The following CCNF variants were observed in gnomAD, a reference collection of about 807,000 sequenced individuals.
The protein encoded by CCNF is cyclin-F.
In CCNF, 30 loss-of-function variants were observed where a neutral mutation model predicts 85.4. That is an observed-to-expected ratio of 0.35 (90% CI 0.26 to 0.48). The LOEUF (loss-of-function observed/expected upper bound fraction) is 0.48, where lower values mean the gene tolerates loss of function less well. Among genes scored for constraint, CCNF ranks in the 20% least tolerant of loss-of-function variants. The pLI is 0.99. For synonymous variants in CCNF, 439 were observed against 425.1 expected (o/e 1.03, Z -0.40); for missense variants, 919 against 1,010.4 (o/e 0.91, Z 1.23).
intron 1 of CCNF, 146 bp from the exon 2 acceptor site, chr16:2,430,984 A>G (rs1426256579): frequency 1.2e-6 from 1 of 861,318 alleles, no homozygotes. Context: ...TGGGACAAGA[A>G]GCATAGTTCC....
intron 7 of CCNF, 78 bp downstream of exon 7, chr16:2,439,535 C>A: frequency 9.1e-7 from 1 of 1,101,018 alleles, no homozygotes; most frequent in Non-Finnish European, 1.3e-6. Flanking sequence ...GGATGCGTTT[C>A]TGTCCACAAA....
intron 12 of CCNF, 22 bp from the exon 13 acceptor site, chr16:2,449,806 C>CCTCCACCA: frequency 6.5e-7 from 1 of 1,542,920 alleles, no homozygotes. Context: ...CCCCTCCACC[C>CCTCCACCA]CTGGCCTGCT....
intron 8 of CCNF, among the ~76,000 whole-genome samples, chr16:2,441,516 C>G (rs970728551): frequency 1.3e-5 from 2 of 151,950 alleles, no homozygotes; most frequent in African/African-American, 4.8e-5. Context: ...TTTATAATCC[C>G]AACACTTTGG....
rs781622825 is a variant in CCNF at position 2,449,891 on chromosome 16, G to T, written c.1463G>T (p.Cys488Phe). Residue 488 changes from cysteine (C) to phenylalanine (F), a missense_variant, in exon 13 of 17, where the codon TGC (cysteine) becomes TTC (phenylalanine). By Grantham distance (205) the Cys-to-Phe change is radical (BLOSUM62 -2). Coordinates refer to ENST00000397066, the MANE Select transcript of CCNF (RefSeq NM_001761.3). ...TGFSYEDLIPCVLSLHKKCFH... is the reference protein window; with the variant it reads ...TGFSYEDLIPFVLSLHKKCFH... Reference sequence around the variant, plus strand: ...TTCTCCTATGAAGACCTCATTCCCTGCGTCTTGAGCCTCCATAAGAAGTGG... The same window carrying T: ...TTCTCCTATGAAGACCTCATTCCCTTCGTCTTGAGCCTCCATAAGAAGTGG... 4.4e-6 allele frequency: 7 copies of T among 1,608,202 alleles called. No homozygotes were observed. Among genetic ancestry groups the T allele is most frequent in the Non-Finnish European group, 5.9e-6 (7 of 1,177,328 alleles).
At position 2,433,070 on chromosome 16, in the gene CCNF, A is replaced by G; in HGVS notation, c.278+3A>G. On this transcript the variant is annotated splice_donor_region_variant and intron_variant, in intron 3 of 16. Transcript: ENST00000397066. The stretch of plus-strand genomic sequence containing the variant: ...GGGAACCTGAAGCTCTTTGAAAGGT[A>G]TCTCTGCACCCTGAGAATGGCTCAG... The G allele has an allele frequency of 6.3e-7, 1 of 1,587,850 alleles. No homozygotes were observed. Among genetic ancestry groups the G allele is most frequent in the Non-Finnish European group, 8.6e-7 (1 of 1,158,446 alleles).
chr16:2,433,781 T>A (rs1003235865), intron 3 of CCNF, among the ~76,000 whole-genome samples: 1 of 152,098 alleles, frequency 6.6e-6, no homozygotes, highest in African/African-American at 2.4e-5. Flanking sequence ...AGATGGGGTT[T>A]CGCCATGTTG....
rs983571558 is a variant in CCNF, at chr16:2,457,179, C to T, written c.*159C>T. The T allele has an allele frequency of 2.3e-5, 13 of 576,228 alleles. No homozygotes were observed. Among genetic ancestry groups the T allele is most frequent in the East Asian group, 5.8e-5 (2 of 34,234 alleles). The allele number at this position is 576,228 out of a possible 1,614,324, so 35.7% of individuals were successfully genotyped here. On this transcript the variant is annotated 3_prime_UTR_variant, in exon 17 of 17. Coordinates refer to ENST00000397066, the MANE Select transcript of CCNF (RefSeq NM_001761.3). ...CAAGTTTCTGTCTCCGCGGGAGTCCCGTGCAAGCCATCAGAATGTTGAAAT... is the reference window on the plus strand; with the variant it reads ...CAAGTTTCTGTCTCCGCGGGAGTCCTGTGCAAGCCATCAGAATGTTGAAAT...
At chr16:2,438,276 CAT>C (rs1251296523) in intron 6 of CCNF, among the ~76,000 whole-genome samples, 153 bp downstream of exon 6, 2 of 152,184 alleles carry the variant, frequency 1.3e-5, no homozygotes, top group Non-Finnish European at 2.9e-5. Flanking sequence ...CCAGGGGACA[CAT>C]GTGGGCCTGG....
chr16:2,437,638 T>C, intron 5 of CCNF: 1 of 349,826 alleles, frequency 2.9e-6, no homozygotes, highest in South Asian at 4.6e-5. Context: ...CCTGTCATCC[T>C]AGCACTTTGG....
At position 2,452,145 on chromosome 16, in the gene CCNF, C is replaced by T. The variant is rs527510153; in HGVS notation, c.1488-1065C>T. On this transcript the variant is annotated intron_variant, in intron 13 of 16. Transcript: ENST00000397066. The surrounding 1 kb of genome is among the most constrained non-coding windows in gnomAD (Gnocchi z 4.1). The stretch of plus-strand genomic sequence containing the variant: ...TCCTGGAACACTGTGGCAGCCGCCC[C>T]GCACATGTCCCGTGTACGTCACCCA... 4.6e-5 allele frequency among the ~76,000 whole-genome samples: 7 copies of T among 152,318 alleles called. No individual in the cohort carries two copies. Among genetic ancestry groups the T allele is most frequent in the South Asian group, 2.1e-4 (1 of 4,822 alleles).
chr16:2,445,695 T>A (rs554099068), intron 10 of CCNF, 73 bp downstream of exon 10: 51 of 1,373,190 alleles, frequency 3.7e-5, no homozygotes, highest in Non-Finnish European at 8.9e-6. Context: ...CTGCCCTTCA[T>A]GTGCTCCTCA....
Position 2,453,420 on chromosome 16 carries a change from A to G in CCNF, c.1598A>G (p.Tyr533Cys), listed in dbSNP as rs766866763. 1 of 1,613,938 alleles carries G rather than the reference A, an allele frequency of 6.2e-7. No homozygotes were observed. The highest frequency in any genetic ancestry group is 1.1e-5 in the South Asian group (1 of 91,076). ...CTAGCTTCCCCTCAGGTGCTGAGCT[A>G]CAGCCAGTTGTGTGCTGCATTAGGA... ...GEISQEEVLSYSQLCAALGVT... is the reference protein window; with the variant it reads ...GEISQEEVLSCSQLCAALGVT... Residue 533 changes from tyrosine to cysteine, a missense_variant, in exon 15 of 17, where the codon TAC (tyrosine) becomes TGC (cysteine). Around this residue, in one of 3 missense-constraint regions of CCNF, gnomAD observed 505 missense variants for 514.8 expected, o/e 0.98. Transcript: ENST00000397066. This position sits in a 1 kb window ranked among gnomAD's most constrained non-coding sequence, Gnocchi z 5.6.
rs1159253681 is a variant in CCNF, at chr16:2,453,270, G to A, written c.1548G>A (p.Arg516=). 6.2e-7 allele frequency: 1 copy of A among 1,613,934 alleles called. No individual in the cohort carries two copies. Among genetic ancestry groups the A allele is most frequent in the Non-Finnish European group, 8.5e-7 (1 of 1,180,012 alleles). The stretch of plus-strand genomic sequence containing the variant: ...TCTCTCTGACCGCCGTGAAGCAGCG[G>A]TTTGAGGACAAGCGCTATGGAGAAA... ...RQVSLTAVKQ[R]FEDKRYGEIS... is the part of the protein sequence containing the mutation. The change falls in exon 14 of 17, where the codon CGG becomes CGA. Residue 516 remains arginine (R), a synonymous_variant. Transcript: ENST00000397066. The surrounding 1 kb of genome is among the most constrained non-coding windows in gnomAD (Gnocchi z 5.6).
At chr16:2,431,305 A>G in intron 2 of CCNF, 21 bp downstream of exon 2, 1 of 1,612,036 alleles carries the variant, frequency 6.2e-7, no homozygotes, top group South Asian at 1.1e-5. Flanking sequence ...GCATGAAAAC[A>G]CTATGAGCCC....
In CCNF at chr16:2,457,070, C is replaced by G. The variant is rs371391701; in HGVS notation, c.*50C>G. On this transcript the variant is annotated 3_prime_UTR_variant, in exon 17 of 17. Transcript: ENST00000397066. The stretch of plus-strand genomic sequence containing the variant: ...GGATGTGTACTGAGGGGGCTGGAGG[C>G]GAAGGGTGGGAGCATAGCATAGGAA... 32 of 1,370,106 alleles carry G rather than the reference C, an allele frequency of 2.3e-5. No individual in the cohort carries two copies. Among genetic ancestry groups the G allele is most frequent in the Non-Finnish European group, 2.9e-5 (29 of 999,584 alleles). The allele number at this position is 1,370,106 out of a possible 1,614,324, so 84.9% of individuals were successfully genotyped here. A position where few individuals can be genotyped will look rare whatever the true frequency, so the allele number is the denominator to read the frequency against.
chr16:2,436,148 C>T (rs570839573), intron 4 of CCNF: 8 of 358,424 alleles, frequency 2.2e-5, no homozygotes, highest in South Asian at 7.8e-5. Flanking sequence ...AGCCTCAGCA[C>T]GGGGGCTGTT....
intron 5 of CCNF, 145 bp from the exon 6 acceptor site, chr16:2,437,925 C>G: frequency 3.3e-5 from 15 of 449,108 alleles, no homozygotes; most frequent in East Asian, 1.2e-4. Context: ...AAAAAAAAGA[C>G]TGAAATCTGG....
chr16:2,449,013 G>C (rs1442411915), intron 11 of CCNF, 35 bp downstream of exon 11: 2 of 1,602,112 alleles, frequency 1.2e-6, no homozygotes, highest in Non-Finnish European at 1.7e-6. Context: ...ATTAATCTTC[G>C]TTGTCGCTGT....
rs2065433143 is a variant in CCNF at position 2,457,025 on chromosome 16, G to A, written c.*5G>A. ...CTGGGCCTTGTGAGGCTGTAAGTGT[G>A]TCAGCACATTTGCCGCAGTGGATGT... On this transcript the variant is annotated 3_prime_UTR_variant, in exon 17 of 17. Transcript: ENST00000397066. 2.5e-6 allele frequency: 4 copies of A among 1,568,948 alleles called. No individual in the cohort carries two copies. Among genetic ancestry groups the A allele is most frequent in the Non-Finnish European group, 3.5e-6 (4 of 1,154,990 alleles).
Sources: gnomAD v4.1 joint callset for allele counts (sites outside exome capture counted in the v4.1 genomes callset) on GRCh38, gnomAD v4.1.1 for gene constraint, gnomAD v4.1.1 regional missense constraint, Gnocchi (gnomAD v3.1) non-coding constraint, MANE v1.5 for transcripts, NCBI Gene and HGNC (gene_info 2026-07-23, HGNC 2026-07-21) for gene names.